The following WDR86 variants were observed in gnomAD, a reference collection of about 807,000 sequenced individuals.
WDR86 encodes WD repeat domain 86.
WDR86 carries 30 observed loss-of-function variants against 36.5 expected under a neutral mutation model. That is an observed-to-expected ratio of 0.82 (90% CI 0.61 to 1.11). WDR86 has a LOEUF of 1.11. Ranked by LOEUF, WDR86 falls within the 50% of genes most tolerant of loss-of-function variation. The pLI is 0.00. For synonymous variants in WDR86, 255 were observed against 252.9 expected (o/e 1.01, Z -0.08); for missense variants, 545 against 561.2 (o/e 0.97, Z 0.29).
chr7:151,393,212 C>T (rs933962041), intron 3 of WDR86, among the ~76,000 whole-genome samples: 2 of 152,200 alleles, frequency 1.3e-5, no homozygotes, highest in African/African-American at 4.8e-5. Flanking sequence ...TGTGTTCACA[C>T]GTGTGTGCAT....
In WDR86 at chr7:151,381,820, G is replaced by A. The variant is rs1025170371; in HGVS notation, c.966+58C>T. On this transcript the variant is annotated intron_variant, in intron 5 of 5. Transcript: ENST00000334493. The surrounding 1 kb of genome is among the most constrained non-coding windows in gnomAD (Gnocchi z 4.8). The stretch of plus-strand genomic sequence containing the variant: ...ACACCGCTGCCCGCGTGGATGGATC[G>A]GGGCGGGGCACCTTCCCTCCCACGG... 7 of 1,539,628 alleles carry A rather than the reference G, an allele frequency of 4.5e-6. No individual in the cohort carries two copies. The highest frequency in any genetic ancestry group is 2.7e-5 in the African/African-American group (2 of 72,760).
At chr7:151,371,524 G>A (rs766403674), downstream of WDR86, among the ~76,000 whole-genome samples, 1 of 152,170 alleles carries the variant, frequency 6.6e-6, no homozygotes, top group East Asian at 1.9e-4. Context: ...TGTGGCAAGA[G>A]ATAGAGGGTT....
At chr7:151,397,856 G>T (rs972244955) in intron 2 of WDR86, among the ~76,000 whole-genome samples, 1 of 151,908 alleles carries the variant, frequency 6.6e-6, no homozygotes, top group South Asian at 2.1e-4. Flanking sequence ...GGGAGGAAGG[G>T]TGTAGCGGGA....
intron 1 of WDR86, among the ~76,000 whole-genome samples, chr7:151,408,359 G>A (rs1045623720): frequency 6.6e-6 from 1 of 151,870 alleles, no homozygotes; most frequent in African/African-American, 2.4e-5. Context: ...ACCACGCCCA[G>A]CTAATTTTTT....
chr7:151,403,191 T>G (rs951693848), intron 1 of WDR86, among the ~76,000 whole-genome samples: 56 of 151,978 alleles, frequency 3.7e-4, no homozygotes, highest in African/African-American at 1.3e-3. Flanking sequence ...GTGGAATTTT[T>G]TTTCCTGGAT....
At chr7:151,394,425 C>T (rs1236524611) in intron 3 of WDR86, among the ~76,000 whole-genome samples, 2 of 152,220 alleles carry the variant, frequency 1.3e-5, no homozygotes, top group Admixed American at 6.5e-5. Context: ...ACTCCAGCCC[C>T]GTCACCCGGA....
chr7:151,398,911 G>A (rs550571951), intron 2 of WDR86, among the ~76,000 whole-genome samples: 77 of 152,272 alleles, frequency 5.1e-4, no homozygotes, highest in African/African-American at 1.9e-3. Context: ...ACAGGAGGGC[G>A]CTCCCCCAGC....
At chr7:151,404,676 AT>A (rs2150865596) in intron 1 of WDR86, among the ~76,000 whole-genome samples, 1 of 152,374 alleles carries the variant, frequency 6.6e-6, no homozygotes, top group Admixed American at 6.5e-5. Flanking sequence ...CAAACTAAAA[AT>A]AAATATTTCT....
rs536526468 is a variant in WDR86, at chr7:151,388,551, T to C, written c.727-3328A>G. On this transcript the variant is annotated intron_variant, in intron 3 of 5. Transcript: ENST00000334493. The surrounding 1 kb of genome is among the most constrained non-coding windows in gnomAD (Gnocchi z 4.2). Reference sequence around the variant, plus strand: ...TCACACCATCTCTGGCCCGACCCTCTCCAAAGGAGGCCTGTGTGCTCCTGG... The same window carrying C: ...TCACACCATCTCTGGCCCGACCCTCCCCAAAGGAGGCCTGTGTGCTCCTGG... Among the ~76,000 whole-genome samples the C allele has an allele frequency of 1.1e-3, 168 of 152,166 alleles. No individual in the cohort carries two copies. The highest frequency in any genetic ancestry group is 2.0e-3 in the Non-Finnish European group (137 of 68,016).
downstream of WDR86, among the ~76,000 whole-genome samples, chr7:151,373,071 C>T (rs990324572): frequency 1.3e-5 from 2 of 152,090 alleles, no homozygotes; most frequent in Non-Finnish European, 1.5e-5. Context: ...GAGATGAGGC[C>T]GCTTTCCTGC....
chr7:151,395,960 G>T lies in WDR86; in HGVS notation c.542C>A (p.Ala181Asp), dbSNP rs1799791931. 2 of 1,584,566 alleles carry T rather than the reference G, an allele frequency of 1.3e-6. No individual in the cohort carries two copies. Among genetic ancestry groups the T allele is most frequent in the South Asian group, 1.1e-5 (1 of 88,196 alleles). Residue 181 changes from alanine to aspartate, a missense_variant, in exon 3 of 6, where the codon GCC becomes GAC. Coordinates refer to ENST00000334493, the MANE Select transcript of WDR86 (RefSeq NM_198285.3). ...CAGCGTCTGGTGGCAGCAGCCGCTG[G>T]CCACCTGCCACACCTTGGCTGTGCC... is the stretch of plus-strand genomic sequence containing the variant. ...TDGTAKVWQV[A>D]SGCCHQTLRG...
chr7:151,406,680 C>T lies in WDR86; in HGVS notation c.163+2747G>A, dbSNP rs1241988665. 6.6e-6 allele frequency among the ~76,000 whole-genome samples: 1 copy of T among 152,172 alleles called. No individual in the cohort carries two copies. Among genetic ancestry groups the T allele is most frequent in the Admixed American group, 6.5e-5 (1 of 15,280 alleles). ...GCGGGACCCTGGACAAGTCCTGCCA[C>T]CGCACCACGCCTCGAGGGATGTTGG... On this transcript the variant is annotated intron_variant, in intron 1 of 5. Transcript: ENST00000334493. The surrounding 1 kb of genome is among the most constrained non-coding windows in gnomAD (Gnocchi z 4.4).
chr7:151,381,130 C>T lies in WDR86; in HGVS notation c.*452G>A. Reference sequence around the variant, plus strand: ...AAAGAGGACACAGGAGCACTTTTAACGTTCAGGCTGTATATTTCAGTTCCC... The same window carrying T: ...AAAGAGGACACAGGAGCACTTTTAATGTTCAGGCTGTATATTTCAGTTCCC... On this transcript the variant is annotated 3_prime_UTR_variant, in exon 6 of 6. Coordinates refer to ENST00000334493, the MANE Select transcript of WDR86 (RefSeq NM_198285.3). The surrounding 1 kb of genome is among the most constrained non-coding windows in gnomAD (Gnocchi z 4.8). The T allele has an allele frequency of 8.1e-7, 1 of 1,228,448 alleles. No individual in the cohort carries two copies. The highest frequency in any genetic ancestry group is 1.0e-6 in the Non-Finnish European group (1 of 985,324). 76.1% of individuals were successfully genotyped at this position (1,228,448 alleles called of 1,614,324 possible).
chr7:151,381,482 C>T lies in WDR86; in HGVS notation c.*100G>A. On this transcript the variant is annotated 3_prime_UTR_variant, in exon 6 of 6. Transcript: ENST00000334493. This position sits in a 1 kb window ranked among gnomAD's most constrained non-coding sequence, Gnocchi z 4.8. ...CCCGCCCGGGCTTCCTCGCTCCTCG[C>T]CCCTCGCCGGCCATCGGGCGCCACC... is the stretch of plus-strand genomic sequence containing the variant. The T allele has an allele frequency of 6.8e-7, 1 of 1,469,978 alleles. No individual in the cohort carries two copies. 91.1% of individuals were successfully genotyped at this position (1,469,978 alleles called of 1,614,324 possible).
chr7:151,393,300 G>A (rs1799571090), intron 3 of WDR86, among the ~76,000 whole-genome samples: 4 of 152,296 alleles, frequency 2.6e-5, no homozygotes, highest in South Asian at 4.1e-4. Context: ...GCCTGTGTGT[G>A]CACACAGGTG....
At chr7:151,389,459 C>T (rs1207145520) in intron 3 of WDR86, among the ~76,000 whole-genome samples, 1 of 152,186 alleles carries the variant, frequency 6.6e-6, no homozygotes, top group Non-Finnish European at 1.5e-5. Flanking sequence ...ACTCAGGGTC[C>T]CAGCAGACGC....
At chr7:151,393,232 T>TG (rs750301615) in intron 3 of WDR86, among the ~76,000 whole-genome samples, 1 of 152,222 alleles carries the variant, frequency 6.6e-6, no homozygotes, top group Admixed American at 6.5e-5. Flanking sequence ...TGTGTGCCTG[T>TG]GGGGTGTGCG....
At chr7:151,393,839 A>G (rs1448080624) in intron 3 of WDR86, among the ~76,000 whole-genome samples, 2 of 152,112 alleles carry the variant, frequency 1.3e-5, no homozygotes, top group Non-Finnish European at 2.9e-5. Context: ...AGCTGTTATC[A>G]CCACCAGCAT....
downstream of WDR86, among the ~76,000 whole-genome samples, chr7:151,379,605 G>C (rs976606580): frequency 3.9e-5 from 6 of 152,238 alleles, no homozygotes; most frequent in African/African-American, 1.4e-4. Context: ...TGGACATCTG[G>C]CCATCTTTAT....
Sources: allele counts gnomAD v4.1 joint callset (sites outside exome capture counted in the v4.1 genomes callset), GRCh38; gene constraint gnomAD v4.1.1; non-coding constraint Gnocchi (gnomAD v3.1); transcripts MANE v1.5; gene names NCBI Gene and HGNC (gene_info 2026-07-23, HGNC 2026-07-21).